Variants in GPR158 observed in about 807,000 individuals in gnomAD.
GPR158 encodes the protein metabotropic glycine receptor.
GPR158 carries 30 observed loss-of-function variants against 78.2 expected under a neutral mutation model. The observed-to-expected ratio is 0.38, with a 90% CI of 0.29 to 0.52. The LOEUF is 0.52. GPR158 is among the 20% of genes least tolerant of loss of function. The pLI, the probability that GPR158 is intolerant of heterozygous loss-of-function variation, is 0.83. For synonymous variants in GPR158, 581 were observed against 591.1 expected, an observed-to-expected ratio of 0.98 and a Z score of 0.25; for missense variants, 1,463 against 1,523.5, an observed-to-expected ratio of 0.96 and a Z score of 0.66.
intron 5 of GPR158, among the ~76,000 whole-genome samples, chr10:25,515,422 G>A (rs1317250125): frequency 1.3e-5 from 2 of 149,600 alleles, no homozygotes; most frequent in African/African-American, 2.5e-5. Flanking sequence ...ACATTGTGCA[G>A]GTTAGTTACA....
At chr10:25,301,162 A>G (rs1854588098) in intron 2 of GPR158, among the ~76,000 whole-genome samples, 1 of 152,204 alleles carries the variant, frequency 6.6e-6, no homozygotes, top group South Asian at 2.1e-4. Flanking sequence ...ATGTTTATAT[A>G]TCTATGAAAG....
At chr10:25,211,872 C>T (rs1853136016) in intron 1 of GPR158, among the ~76,000 whole-genome samples, 1 of 152,166 alleles carries the variant, frequency 6.6e-6, no homozygotes. Flanking sequence ...ATAAGTGCCT[C>T]ATATTCATAT....
At chr10:25,529,286 C>T (rs1262058301) in intron 5 of GPR158, among the ~76,000 whole-genome samples, 1 of 152,036 alleles carries the variant, frequency 6.6e-6, no homozygotes, top group Non-Finnish European at 1.5e-5. Flanking sequence ...ACTCAGGAGG[C>T]TGAGGCAGGA....
At chr10:25,575,266 G>A (rs1837075342) in intron 7 of GPR158, among the ~76,000 whole-genome samples, 2 of 152,166 alleles carry the variant, frequency 1.3e-5, no homozygotes, top group African/African-American at 4.8e-5. Flanking sequence ...GAGGAATTTA[G>A]AGAAGCAGAA....
At chr10:25,358,195 C>G (rs1855579166) in intron 2 of GPR158, among the ~76,000 whole-genome samples, 1 of 152,058 alleles carries the variant, frequency 6.6e-6, no homozygotes, top group Admixed American at 6.6e-5. Flanking sequence ...AACTAACTTG[C>G]TTGTGATTTC....
intron 2 of GPR158, among the ~76,000 whole-genome samples, chr10:25,354,669 A>AT (rs1260969501): frequency 6.6e-6 from 1 of 151,920 alleles, no homozygotes; most frequent in African/African-American, 2.4e-5. Context: ...TATACCTTCA[A>AT]TTTTTTTCTT....
chr10:25,398,471 G>T (rs1834397710), intron 3 of GPR158, among the ~76,000 whole-genome samples: 2 of 152,152 alleles, frequency 1.3e-5, no homozygotes, highest in Admixed American at 6.5e-5. Context: ...AAGGTATTTT[G>T]TATCTGGTTT....
chr10:25,196,358 G>C (rs1291440244), intron 1 of GPR158, among the ~76,000 whole-genome samples: 1 of 151,736 alleles, frequency 6.6e-6, no homozygotes, highest in African/African-American at 2.4e-5. Flanking sequence ...ATAGTTGTCT[G>C]TTCATTTTCT....
chr10:25,456,302 A>G (rs1835290586), intron 4 of GPR158, among the ~76,000 whole-genome samples: 1 of 152,196 alleles, frequency 6.6e-6, no homozygotes, highest in Non-Finnish European at 1.5e-5. Context: ...AGTGTAGCAT[A>G]AGGAACATAA....
At chr10:25,563,202 T>TA (rs1372316314) in intron 6 of GPR158, among the ~76,000 whole-genome samples, 2 of 152,114 alleles carry the variant, frequency 1.3e-5, no homozygotes, top group East Asian at 3.9e-4. Flanking sequence ...ATCATCTTTT[T>TA]AAAAATCTCT....
chr10:25,523,240 G>T (rs751725121), intron 5 of GPR158, among the ~76,000 whole-genome samples: 1 of 152,212 alleles, frequency 6.6e-6, no homozygotes, highest in South Asian at 2.1e-4. Context: ...CTGAAGTCCT[G>T]TGGATCCAGG....
intron 2 of GPR158, among the ~76,000 whole-genome samples, chr10:25,236,376 T>C (rs868008125): frequency 2.0e-5 from 3 of 151,888 alleles, no homozygotes; most frequent in African/African-American, 7.3e-5. Context: ...GGCGTGGTGG[T>C]GGGTGCCTGT....
chr10:25,375,627 C>G (rs1834067735), intron 2 of GPR158, among the ~76,000 whole-genome samples: 1 of 151,422 alleles, frequency 6.6e-6, no homozygotes. Context: ...TCAAATAGCT[C>G]CAGTACCATT....
intron 7 of GPR158, among the ~76,000 whole-genome samples, chr10:25,578,559 T>C (rs1311242329): frequency 6.6e-6 from 1 of 152,172 alleles, no homozygotes; most frequent in Non-Finnish European, 1.5e-5. Flanking sequence ...CTTTGACTTC[T>C]CCAACAGTCA....
intron 4 of GPR158, among the ~76,000 whole-genome samples, chr10:25,432,500 C>G (rs894996371): frequency 1.3e-5 from 2 of 152,146 alleles, no homozygotes; most frequent in African/African-American, 4.8e-5. Context: ...ACTTATAGCA[C>G]TATATGTAGT....
chr10:25,346,935 A>G (rs888091108), intron 2 of GPR158, among the ~76,000 whole-genome samples: 27 of 152,092 alleles, frequency 1.8e-4, no homozygotes, highest in African/African-American at 6.3e-4. Flanking sequence ...TTTTTTAACC[A>G]GTAGTGTTAC....
intron 4 of GPR158, among the ~76,000 whole-genome samples, chr10:25,457,140 C>CTTTTTTTTTT (rs11384299): frequency 4.2e-4 from 25 of 59,418 alleles, no homozygotes; most frequent in South Asian, 9.3e-4. Context: ...CCATGCCCAC[C>CTTTTTTTTTT]TTTTTTTTTT....
intron 4 of GPR158, among the ~76,000 whole-genome samples, chr10:25,413,689 C>T (rs542625771): frequency 2.6e-5 from 4 of 152,150 alleles, no homozygotes; most frequent in African/African-American, 9.6e-5. Context: ...ATTATGAAGC[C>T]TCAAGGTAAA....
At chr10:25,567,704 C>T (rs1421198315) in intron 6 of GPR158, among the ~76,000 whole-genome samples, 2 of 152,124 alleles carry the variant, frequency 1.3e-5, no homozygotes, top group Non-Finnish European at 2.9e-5. Context: ...GATGCACCTG[C>T]AGAGGTGAGG....
Sources: gnomAD v4.1 joint callset for allele counts (sites outside exome capture counted in the v4.1 genomes callset) on GRCh38, gnomAD v4.1.1 for gene constraint, MANE v1.5 for transcripts, NCBI Gene and HGNC (gene_info 2026-07-23, HGNC 2026-07-21) for gene names.